Variants in TOR1AIP2 observed in about 807,000 individuals in gnomAD.
The protein encoded by TOR1AIP2 is torsin-1A-interacting protein 2.
TOR1AIP2 carries 20 observed loss-of-function variants against 32.6 expected under a neutral mutation model. The observed-to-expected ratio is 0.61, with a 90% CI of 0.43 to 0.89. The LOEUF is 0.89. TOR1AIP2 is among the 40% of genes least tolerant of loss of function. TOR1AIP2 has a pLI of 0.00. For missense variants in TOR1AIP2, 456 were observed against 553.8 expected (o/e 0.82, Z 1.77); for synonymous variants, 214 against 210.8 (o/e 1.02, Z -0.13).
chr1:179,855,181 G>C (rs538958021), intron 3 of TOR1AIP2, among the ~76,000 whole-genome samples: 1 of 151,944 alleles, frequency 6.6e-6, no homozygotes, highest in Non-Finnish European at 1.5e-5. Flanking sequence ...TAACTGCAAG[G>C]GTTTCTTAAA....
rs1696096318 is a variant in TOR1AIP2, at chr1:179,851,061, A to G, written c.337T>C (p.Leu113=). The G allele has an allele frequency of 6.2e-7, 1 of 1,614,208 alleles. No individual in the cohort carries two copies. The highest frequency in any genetic ancestry group is 1.6e-4 in the Middle Eastern group (1 of 6,062). ...GGAGAATGGCTGGGATCTGGATCCA[A>G]GGGTTCTTTACCCAGATTTTCTGAA... The part of the protein sequence containing the change: ...LPSENLGKEP[L]DPDPSHSPSD... The change falls in exon 5 of 7, where the codon TTG becomes CTG. Residue 113 remains leucine, a synonymous_variant. Coordinates refer to ENST00000609928, the MANE Select transcript of TOR1AIP2 (RefSeq NM_001199260.2).
At chr1:179,864,511 A>G in intron 3 of TOR1AIP2, 2 of 1,151,038 alleles carry the variant, frequency 1.7e-6, no homozygotes, top group Non-Finnish European at 2.1e-6. Flanking sequence ...AGGAGTGGTA[A>G]GTTAGTTCCA....
In TOR1AIP2 at chr1:179,845,381, T is replaced by C. The variant is rs540276286; in HGVS notation, c.*690A>G. On this transcript the variant is annotated 3_prime_UTR_variant, in exon 7 of 7. Coordinates refer to ENST00000609928, the MANE Select transcript of TOR1AIP2 (RefSeq NM_001199260.2). Reference sequence around the variant, plus strand: ...GATATAGCCAATTGGAATTTCTTCATTTCCAATGATTATAAACAATTTCCC... The same window carrying C: ...GATATAGCCAATTGGAATTTCTTCACTTCCAATGATTATAAACAATTTCCC... The C allele has an allele frequency of 6.6e-6, 1 of 152,336 alleles. No individual in the cohort carries two copies. Among genetic ancestry groups the C allele is most frequent in the Non-Finnish European group, 1.5e-5 (1 of 68,020 alleles). 9.4% of individuals were successfully genotyped at this position (152,336 alleles called of 1,614,324 possible).
chr1:179,870,382 G>C (rs534275782), intron 2 of TOR1AIP2, among the ~76,000 whole-genome samples: 55 of 151,746 alleles, frequency 3.6e-4, no homozygotes, highest in African/African-American at 1.2e-3. Flanking sequence ...CTGGGGGACA[G>C]AGTGAGACTC....
chr1:179,864,984 G>A, intron 3 of TOR1AIP2: 1 of 1,614,020 alleles, frequency 6.2e-7, no homozygotes, highest in Non-Finnish European at 8.5e-7. Context: ...AAAGACCAAG[G>A]AAGAACAAGG....
chr1:179,864,826 G>T (rs368741072), intron 3 of TOR1AIP2: 1 of 1,613,486 alleles, frequency 6.2e-7, no homozygotes, highest in African/African-American at 1.3e-5. Flanking sequence ...TATCTGTTCT[G>T]GTCAAGATTA....
chr1:179,863,138 A>G, intron 3 of TOR1AIP2: 1 of 537,148 alleles, frequency 1.9e-6, no homozygotes. Flanking sequence ...AGGCAGGAGA[A>G]TTGCTTGAAC....
At chr1:179,859,173 A>G (rs1696417673) in intron 3 of TOR1AIP2, 1 of 985,298 alleles carries the variant, frequency 1.0e-6, no homozygotes, top group Non-Finnish European at 1.2e-6. Context: ...AGTAACAAAT[A>G]AAGCATATAC....
At chr1:179,849,962 T>G (rs1280793944) in intron 5 of TOR1AIP2, among the ~76,000 whole-genome samples, 2 of 152,216 alleles carry the variant, frequency 1.3e-5, no homozygotes, top group Non-Finnish European at 2.9e-5. Context: ...TGATTTGCAG[T>G]GAAACATGAA....
At chr1:179,847,723 T>C in intron 5 of TOR1AIP2, 87 bp from the exon 6 acceptor site, 2 of 934,944 alleles carry the variant, frequency 2.1e-6, no homozygotes, top group Non-Finnish European at 3.5e-6. Context: ...AACCAAAGAA[T>C]GATTTGACTA....
At chr1:179,852,918 T>A in intron 3 of TOR1AIP2, 107 bp from the exon 4 acceptor site, 1 of 838,326 alleles carries the variant, frequency 1.2e-6, no homozygotes. Flanking sequence ...CTATTTCCTC[T>A]GTGAAACTTT....
At position 179,854,041 on chromosome 1, in the gene TOR1AIP2, T is replaced by C. The variant is rs148481217; in HGVS notation, c.-146-1230A>G. On this transcript the variant is annotated intron_variant, in intron 3 of 6. Coordinates refer to ENST00000609928, the MANE Select transcript of TOR1AIP2 (RefSeq NM_001199260.2). ...GTCCCCAGTCCTTTTTAAGTTTTGT[T>C]AAAAAAATTTTTCCTGCCAGCCAAA... Among the ~76,000 whole-genome samples the C allele has an allele frequency of 5.8e-4, 88 of 152,260 alleles. 2 individuals are homozygous for C. Among genetic ancestry groups the C allele is most frequent in the Admixed American group, 3.8e-3 (58 of 15,292 alleles).
chr1:179,864,393 TC>T (rs1571688297), intron 3 of TOR1AIP2: 1 of 992,874 alleles, frequency 1.0e-6, no homozygotes. Flanking sequence ...GAGGCTGCTT[TC>T]CCACAAAAGT....
intron 3 of TOR1AIP2, chr1:179,864,260 A>G (rs770072551): frequency 1.0e-6 from 1 of 985,430 alleles, no homozygotes; most frequent in Non-Finnish European, 1.2e-6. Context: ...ATATAAGAGC[A>G]AATTTTATCT....
At chr1:179,862,478 G>A (rs894335231) in intron 3 of TOR1AIP2, 1 of 985,408 alleles carries the variant, frequency 1.0e-6, no homozygotes, top group Non-Finnish European at 1.2e-6. Context: ...AATATAACAG[G>A]AGAGAACCTC....
At chr1:179,865,231 CAGAG>C (rs1444385436) in intron 3 of TOR1AIP2, 5 of 1,529,248 alleles carry the variant, frequency 3.3e-6, no homozygotes, top group South Asian at 2.6e-5. Context: ...ACAACAGTGA[CAGAG>C]AGAGACGCCC....
Position 179,852,602 on chromosome 1 carries a change from C to A in TOR1AIP2, c.34+30G>T, listed in dbSNP as rs754314710. The stretch of plus-strand genomic sequence containing the variant: ...GCACACCCCTGGTTTCCTACAGCAG[C>A]AACCTCAGTGCCAGACAAATCAGTC... On this transcript the variant is annotated intron_variant, in intron 4 of 6. Coordinates refer to ENST00000609928, the MANE Select transcript of TOR1AIP2 (RefSeq NM_001199260.2). The A allele has an allele frequency of 1.8e-5, 29 of 1,612,820 alleles. 2 individuals carry two copies. In the South Asian group the frequency reaches 2.9e-4, roughly 16 times the overall value.
chr1:179,859,155 T>C (rs148534399), intron 3 of TOR1AIP2: 13 of 985,290 alleles, frequency 1.3e-5, no homozygotes, highest in Admixed American at 1.2e-4. Flanking sequence ...AATCCTGCTA[T>C]GAAAACGAGT....
At chr1:179,869,134 C>T (rs1300823285) in intron 2 of TOR1AIP2, 1 of 150,896 alleles carries the variant, frequency 6.6e-6, no homozygotes, top group Non-Finnish European at 1.5e-5. Context: ...GAGCCACCAC[C>T]CCAGCCCAAC....
Sources: gnomAD v4.1 joint callset for allele counts (sites outside exome capture counted in the v4.1 genomes callset) on GRCh38, gnomAD v4.1.1 for gene constraint, MANE v1.5 for transcripts, NCBI Gene and HGNC (gene_info 2026-07-23, HGNC 2026-07-21) for gene names.